NCOA3: variants seen among roughly 807,000 people sequenced by gnomAD.
The protein encoded by NCOA3 is nuclear receptor coactivator 3.
A neutral mutation model predicts 158.8 loss-of-function variants in NCOA3; 51 were observed. The observed-to-expected ratio is 0.32, with a 90% CI of 0.26 to 0.41. The LOEUF is 0.41. NCOA3 is among the 10% of genes least tolerant of loss of function. The probability of loss-of-function intolerance (pLI) is 1.00; values close to 1 mark genes in which losing one functional copy is unlikely to be tolerated. For missense variants in NCOA3, 1,510 were observed against 1,746.6 expected, an observed-to-expected ratio of 0.86 and a Z score of 2.41; for synonymous variants, 537 against 592.4, an observed-to-expected ratio of 0.91 and a Z score of 1.36.
intron 16 of NCOA3, among the ~76,000 whole-genome samples, chr20:47,640,618 C>T (rs574003876): frequency 3.6e-4 from 54 of 151,602 alleles, no homozygotes; most frequent in Non-Finnish European, 6.0e-4. Flanking sequence ...TGGTGGCTCA[C>T]GCCTGTAATC....
At chr20:47,607,550 G>A (rs2085967473) in intron 2 of NCOA3, among the ~76,000 whole-genome samples, 1 of 152,072 alleles carries the variant, frequency 6.6e-6, no homozygotes, top group Non-Finnish European at 1.5e-5. Flanking sequence ...TCTTAGAAAT[G>A]AAAAGATTTA....
intron 2 of NCOA3, among the ~76,000 whole-genome samples, chr20:47,585,232 G>C (rs901440928): frequency 1.3e-5 from 2 of 151,584 alleles, no homozygotes; most frequent in African/African-American, 4.8e-5. Flanking sequence ...TTGTATTTTT[G>C]GTAGAGATGG....
At chr20:47,653,375 T>A in intron 22 of NCOA3, 31 bp from the exon 23 acceptor site, 1 of 1,541,982 alleles carries the variant, frequency 6.5e-7, no homozygotes, top group Admixed American at 2.0e-5. Context: ...CTCATTTTTT[T>A]TTTTTTTTTT....
chr20:47,636,831 A>C, intron 12 of NCOA3, 69 bp downstream of exon 12: 1 of 1,406,182 alleles, frequency 7.1e-7, no homozygotes, highest in Non-Finnish European at 9.6e-7. Flanking sequence ...GTGATATAAA[A>C]ATTCTTCCAT....
intron 2 of NCOA3, among the ~76,000 whole-genome samples, chr20:47,595,611 A>G (rs1223564433): frequency 6.6e-6 from 1 of 152,114 alleles, no homozygotes; most frequent in South Asian, 2.1e-4. Flanking sequence ...AATAGCTGTA[A>G]GTGATGTGGC....
chr20:47,510,708 C>T (rs1256262269), intron 1 of NCOA3, among the ~76,000 whole-genome samples: 6 of 152,054 alleles, frequency 3.9e-5, no homozygotes, highest in Admixed American at 1.3e-4. Flanking sequence ...GTCCTCCCAG[C>T]GCAGCCTCCC....
At chr20:47,633,662 C>A in intron 9 of NCOA3, 26 bp downstream of exon 9, 1 of 1,601,330 alleles carries the variant, frequency 6.2e-7, no homozygotes, top group Non-Finnish European at 8.5e-7. Flanking sequence ...GTTGATTGTT[C>A]TTATCATTTT....
intron 1 of NCOA3, among the ~76,000 whole-genome samples, chr20:47,551,072 GGGAAGAAGA>G (rs1441347661): frequency 6.6e-6 from 1 of 151,938 alleles, no homozygotes; most frequent in East Asian, 1.9e-4. Context: ...TTAAATTCTG[GGGAAGAAGA>G]ACGGAAATTT....
Position 47,635,646 on chromosome 20 carries a change from T to G in NCOA3, c.1437T>G (p.Asn479Lys), listed in dbSNP as rs2086500038. 6.2e-7 allele frequency: 1 copy of G among 1,614,162 alleles called. No individual in the cohort carries two copies. The change falls in exon 11 of 23, where the codon AAT becomes AAG. Residue 479 changes from asparagine to lysine, a missense_variant. This residue lies in a region of NCOA3 where 1,017 missense variants were observed against 1,098.3 expected (regional missense o/e 0.93). Transcript: ENST00000371998. ...CTGGTCTTGCCCCAAACCAGCAGAA[T>G]ATCATGATTTCTCCTCGTAATCGTG... Reference protein sequence around the residue: ...GSPGLAPNQQNIMISPRNRGS... With the variant: ...GSPGLAPNQQKIMISPRNRGS...
chr20:47,523,446 G>A (rs1349252032), intron 1 of NCOA3, among the ~76,000 whole-genome samples: 2 of 152,136 alleles, frequency 1.3e-5, no homozygotes, highest in African/African-American at 4.8e-5. Context: ...GCTTCTAGGC[G>A]AGAAGAAATA....
rs112222119 is a variant in NCOA3 at position 47,510,138 on chromosome 20, C to T, written c.-99+8119C>T. 1.3e-4 allele frequency among the ~76,000 whole-genome samples: 20 copies of T among 152,080 alleles called. 3 individuals are homozygous for T. The highest frequency in any genetic ancestry group is 2.6e-4 in the African/African-American group (11 of 41,514). ...ATGGAATCCAGAAAGCGACTTTAAA[C>T]GTACACAGTCATGGCCAGGAGTGGT... On this transcript the variant is annotated intron_variant, in intron 1 of 22. Transcript: ENST00000371998.
Position 47,532,178 on chromosome 20 carries a change from T to G in NCOA3, c.-99+30159T>G, listed in dbSNP as rs565166196. Reference sequence around the variant, plus strand: ...TTTTAGATATCATGGTAAGTTTTGCTAAGTAAGTGATACTTAAACAAGGAC... The same window carrying G: ...TTTTAGATATCATGGTAAGTTTTGCGAAGTAAGTGATACTTAAACAAGGAC... On this transcript the variant is annotated intron_variant, in intron 1 of 22. Coordinates refer to ENST00000371998, the MANE Select transcript of NCOA3 (RefSeq NM_181659.3). Among the ~76,000 whole-genome samples the G allele has an allele frequency of 7.3e-5, 11 of 151,720 alleles. No individual in the cohort carries two copies. The South Asian group carries it at 2.3e-3, about 32-fold the overall frequency.
intron 20 of NCOA3, among the ~76,000 whole-genome samples, chr20:47,651,829 T>G (rs1452073890): frequency 7.1e-6 from 1 of 141,838 alleles, no homozygotes; most frequent in African/African-American, 2.6e-5. Context: ...CCCCCGGCTG[T>G]TTTTTTTTTT....
chr20:47,633,859 C>T (rs2086462123), intron 9 of NCOA3, among the ~76,000 whole-genome samples, 189 bp from the exon 10 acceptor site: 1 of 152,128 alleles, frequency 6.6e-6, no homozygotes, highest in Non-Finnish European at 1.5e-5. Flanking sequence ...TAGTTGCTCT[C>T]TTGTTGGTGA....
chr20:47,584,762 AGG>A (rs1182355518), intron 2 of NCOA3, among the ~76,000 whole-genome samples: 25 of 152,306 alleles, frequency 1.6e-4, no homozygotes, highest in African/African-American at 5.8e-4. Context: ...CTACTGTCTT[AGG>A]CATGGCAGAA....
Position 47,652,529 on chromosome 20 carries a change from A to C in NCOA3, c.4070A>C (p.Tyr1357Ser). The C allele has an allele frequency of 1.2e-6, 2 of 1,613,988 alleles. No homozygotes were observed. The highest frequency in any genetic ancestry group is 8.5e-7 in the Non-Finnish European group (1 of 1,179,826). Residue 1357 changes from tyrosine (Y) to serine (S), a missense_variant, in exon 21 of 23, where the codon TAT becomes TCT. Physicochemically the swap from Tyr to Ser is moderately radical, Grantham distance 144. Transcript: ENST00000371998. ...MMQHPQAASIYQSSEMKGWPS... is the reference protein window; with the variant it reads ...MMQHPQAASISQSSEMKGWPS... ...CAACACCCGCAGGCTGCATCCATCT[A>C]TCAGTCCTCAGAAATGAAGGGCTGG...
rs568229833 is a variant in NCOA3 at position 47,642,740 on chromosome 20, G to A, written c.3252+356G>A. ...TCTTTCTCTACTACTTAGCCAAGCC[G>A]TGTGTATTCTGAGGCAAGCTTTTTT... On this transcript the variant is annotated intron_variant, in intron 17 of 22. Transcript: ENST00000371998. 1.3e-4 allele frequency among the ~76,000 whole-genome samples: 20 copies of A among 152,138 alleles called. No homozygotes were observed. The East Asian group carries it at 3.9e-3, about 29-fold the overall frequency.
intron 1 of NCOA3, among the ~76,000 whole-genome samples, chr20:47,539,768 G>T (rs893230642): frequency 2.0e-5 from 3 of 152,096 alleles, no homozygotes; most frequent in Non-Finnish European, 4.4e-5. Flanking sequence ...CAAGTGATCC[G>T]CCTGCCTTGG....
chr20:47,504,478 CTTTTTTTTTTT>C (rs58220390), intron 1 of NCOA3, among the ~76,000 whole-genome samples: 1,865 of 98,744 alleles, frequency 0.019, 50 homozygotes, highest in African/African-American at 0.063. Flanking sequence ...CTAAGTGTGT[CTTTTTTTTTTT>C]TTTTTTTTTT....
Sources: gnomAD v4.1 joint callset for allele counts (sites outside exome capture counted in the v4.1 genomes callset) on GRCh38, gnomAD v4.1.1 for gene constraint, gnomAD v4.1.1 regional missense constraint, MANE v1.5 for transcripts, NCBI Gene and HGNC (gene_info 2026-07-23, HGNC 2026-07-21) for gene names.